CLSTN3: variants seen among roughly 807,000 people sequenced by gnomAD.
CLSTN3 encodes the protein calsyntenin 3.
CLSTN3 carries 36 observed loss-of-function variants against 95.9 expected under a neutral mutation model. The ratio of observed to expected loss-of-function variants is 0.38; its 90% CI spans 0.29 to 0.50. The LOEUF (loss-of-function observed/expected upper bound fraction) is 0.50, where lower values mean the gene tolerates loss of function less well. Ranked by LOEUF, CLSTN3 falls within the 20% of genes least tolerant of loss-of-function variation. The probability of loss-of-function intolerance (pLI) is 0.95; values close to 1 mark genes in which losing one functional copy is unlikely to be tolerated. For missense variants in CLSTN3, 1,084 were observed against 1,268.8 expected, an observed-to-expected ratio of 0.85 and a Z score of 2.21; for synonymous variants, 481 against 504.0, an observed-to-expected ratio of 0.95 and a Z score of 0.61.
rs75250527 is a variant in CLSTN3 at position 7,142,074 on chromosome 12, T to C, written c.1487-12T>C. On this transcript the variant is annotated splice_polypyrimidine_tract_variant and intron_variant, in intron 9 of 17. Coordinates refer to ENST00000266546, the MANE Select transcript of CLSTN3 (RefSeq NM_014718.4). ...CTCACCAGCACTGTTTTTTTTTTTT[T>C]TTTATCCCCAGAGGAGAAGAACAAA... 4.5e-6 allele frequency: 7 copies of C among 1,572,966 alleles called. No individual in the cohort carries two copies. The Admixed American group carries it at 9.3e-5, about 21-fold the overall frequency.
chr12:7,141,368 A>G lies in CLSTN3; in HGVS notation c.1450A>G (p.Arg484Gly). Residue 484 changes from arginine to glycine, a missense_variant, in exon 9 of 18, where the codon AGG (arginine) becomes GGG (glycine). Transcript: ENST00000266546. The surrounding 1 kb of genome is among the most constrained non-coding windows in gnomAD (Gnocchi z 4.1). Reference sequence around the variant, plus strand: ...CAATGGCCTCATCCACCCACCCCGAAGGGAGCCTGCTCTCATGATTGGGGC... The same window carrying G: ...CAATGGCCTCATCCACCCACCCCGAGGGGAGCCTGCTCTCATGATTGGGGC... ...HDNGLIHPPR[R>G]EPALMIGACW... 6.2e-7 allele frequency: 1 copy of G among 1,614,144 alleles called. No homozygotes were observed. Among genetic ancestry groups the G allele is most frequent in the Non-Finnish European group, 8.5e-7 (1 of 1,180,010 alleles).
At position 7,157,061 on chromosome 12, in the gene CLSTN3, C is replaced by A; in HGVS notation, c.2528-428C>A. 2 of 357,946 alleles carry A rather than the reference C, an allele frequency of 5.6e-6. No homozygotes were observed. Among genetic ancestry groups the A allele is most frequent in the South Asian group, 2.1e-5 (1 of 46,824 alleles). 22.2% of individuals were successfully genotyped at this position (357,946 alleles called of 1,614,324 possible). A position where few individuals can be genotyped will look rare whatever the true frequency, so the allele number is the denominator to read the frequency against. Reference sequence around the variant, plus strand: ...CTGCTCAGCCAAGCCCGTGTGGGGGCCCCTCCTCTCCCTCACTGGGCACTG... The same window carrying A: ...CTGCTCAGCCAAGCCCGTGTGGGGGACCCTCCTCTCCCTCACTGGGCACTG... On this transcript the variant is annotated intron_variant, in intron 16 of 17. Coordinates refer to ENST00000266546, the MANE Select transcript of CLSTN3 (RefSeq NM_014718.4). This position sits in a 1 kb window ranked among gnomAD's most constrained non-coding sequence, Gnocchi z 5.9.
chr12:7,150,484 GGGTCCTGCCCA>G lies in CLSTN3; in HGVS notation c.2246-50_2246-40del. 6.4e-7 allele frequency: 1 copy of G among 1,565,700 alleles called. No homozygotes were observed. ...TCAGCTGGTGGGAGTCCAGGAGAGA[GGGTCCTGCCCA>G]GGTCCTGCCTCCACTGGCCCCTGCC... On this transcript the variant is annotated intron_variant, in intron 14 of 17. Transcript: ENST00000266546. The surrounding 1 kb of genome is among the most constrained non-coding windows in gnomAD (Gnocchi z 4.0).
In CLSTN3 at chr12:7,142,946, C is replaced by G; in HGVS notation, c.1618C>G (p.Arg540Gly). ...CGTGCGCTCAGGTCGCCTGGAGAGC[C>G]GCGAGGTCATCGAGTGCCTCTATGC... ...FSVRSGRLESREVIECLYACR... is the reference protein window; with the variant it reads ...FSVRSGRLESGEVIECLYACR... The change falls in exon 11 of 18, where the codon CGC becomes GGC. Residue 540 changes from arginine to glycine, a missense_variant. Arg to Gly is a moderately radical substitution (Grantham distance 125, BLOSUM62 -2). Transcript: ENST00000266546. 1 of 1,614,184 alleles carries G rather than the reference C, an allele frequency of 6.2e-7. No homozygotes were observed. Among genetic ancestry groups the G allele is most frequent in the African/African-American group, 1.3e-5 (1 of 75,066 alleles).
At chr12:7,151,841 C>A (rs1444007944) in intron 16 of CLSTN3, among the ~76,000 whole-genome samples, 1 of 152,026 alleles carries the variant, frequency 6.6e-6, no homozygotes, top group Non-Finnish European at 1.5e-5. Context: ...TCACTTGAGT[C>A]CAGGAGTTTG....
At position 7,137,533 on chromosome 12, in the gene CLSTN3, C is replaced by T. The variant is rs1052890964; in HGVS notation, c.1211-422C>T. On this transcript the variant is annotated intron_variant, in intron 7 of 17. Coordinates refer to ENST00000266546, the MANE Select transcript of CLSTN3 (RefSeq NM_014718.4). This position sits in a 1 kb window ranked among gnomAD's most constrained non-coding sequence, Gnocchi z 4.4. Reference sequence around the variant, plus strand: ...CTTCCCTCAACTGCAGGGCCTACTTCACTGGAGAGGGCTTAGTCTTGACCT... The same window carrying T: ...CTTCCCTCAACTGCAGGGCCTACTTTACTGGAGAGGGCTTAGTCTTGACCT... Among the ~76,000 whole-genome samples the T allele has an allele frequency of 6.6e-6, 1 of 152,212 alleles. No homozygotes were observed. The highest frequency in any genetic ancestry group is 1.5e-5 in the Non-Finnish European group (1 of 68,040).
intron 12 of CLSTN3, among the ~76,000 whole-genome samples, chr12:7,144,612 C>A (rs1008784447): frequency 6.6e-6 from 1 of 152,122 alleles, no homozygotes; most frequent in East Asian, 1.9e-4. Context: ...GGAGATACTG[C>A]CATCTAGTGG....
At position 7,157,886 on chromosome 12, in the gene CLSTN3, G is replaced by A; in HGVS notation, c.2731-55G>A. 2 of 1,543,644 alleles carry A rather than the reference G, an allele frequency of 1.3e-6. No individual in the cohort carries two copies. Among genetic ancestry groups the A allele is most frequent in the Non-Finnish European group, 1.7e-6 (2 of 1,146,024 alleles). On this transcript the variant is annotated intron_variant, in intron 17 of 17. Transcript: ENST00000266546. The surrounding 1 kb of genome is among the most constrained non-coding windows in gnomAD (Gnocchi z 5.9). Reference sequence around the variant, plus strand: ...AGGGAAGTGTGGTCCCTGAAAGAGAGGCTGGGATGTGTGCAGGCCATTGAT... The same window carrying A: ...AGGGAAGTGTGGTCCCTGAAAGAGAAGCTGGGATGTGTGCAGGCCATTGAT...
rs1418938868 is a variant in CLSTN3 at position 7,134,881 on chromosome 12, C to G, written c.384-446C>G. ...TTCCTCATCCCCTACATCAGTCCTCCTTTCTTTGGGCCCTCCCTCTGGTGT... is the reference window on the plus strand; with the variant it reads ...TTCCTCATCCCCTACATCAGTCCTCGTTTCTTTGGGCCCTCCCTCTGGTGT... On this transcript the variant is annotated intron_variant, in intron 3 of 17. Coordinates refer to ENST00000266546, the MANE Select transcript of CLSTN3 (RefSeq NM_014718.4). Among the ~76,000 whole-genome samples, 3 of 152,154 alleles carry G rather than the reference C, an allele frequency of 2.0e-5. No homozygotes were observed. The East Asian group carries it at 5.8e-4, about 29-fold the overall frequency.
upstream of CLSTN3, chr12:7,129,898 C>A: frequency 1.3e-6 from 1 of 791,048 alleles, no homozygotes; most frequent in Non-Finnish European, 1.5e-6. The surrounding 1 kb of genome is among the most constrained non-coding windows in gnomAD (Gnocchi z 5.5). Context: ...GCCCTGCGGA[C>A]CGCCCTGTGG....
At position 7,138,035 on chromosome 12, in the gene CLSTN3, C is replaced by T. The variant is rs376591370; in HGVS notation, c.1291C>T (p.Arg431Cys). The change falls in exon 8 of 18, where the codon CGC becomes TGC. Residue 431 changes from arginine to cysteine, a missense_variant. Arg to Cys is a radical substitution (Grantham distance 180). Transcript: ENST00000266546. The stretch of plus-strand genomic sequence containing the variant: ...CTACTGGCCCCTGCTTGAGAGTGCC[C>T]GCCCAGTCAAGTTCCTCTGGAAGCT... ...FLYWPLLESARPVKFLWKLEQ... is the reference protein window; with the variant it reads ...FLYWPLLESACPVKFLWKLEQ... 27 of 1,613,752 alleles carry T rather than the reference C, an allele frequency of 1.7e-5. No individual in the cohort carries two copies. The highest frequency in any genetic ancestry group is 2.2e-5 in the Non-Finnish European group (26 of 1,179,874).
intron 6 of CLSTN3, 117 bp from the exon 7 acceptor site, chr12:7,136,712 T>C (rs1040562640): frequency 8.7e-7 from 1 of 1,145,166 alleles, no homozygotes; most frequent in African/African-American, 1.5e-5. Flanking sequence ...CCATAAAAGG[T>C]GGCAAGACGT....
chr12:7,133,253 G>A lies in CLSTN3; in HGVS notation c.187+107G>A. 2.1e-6 allele frequency: 3 copies of A among 1,449,778 alleles called. No homozygotes were observed. The highest frequency in any genetic ancestry group is 2.8e-6 in the Non-Finnish European group (3 of 1,062,636). The allele number at this position is 1,449,778 out of a possible 1,614,324, so 89.8% of individuals were successfully genotyped here. On this transcript the variant is annotated intron_variant, in intron 2 of 17. Coordinates refer to ENST00000266546, the MANE Select transcript of CLSTN3 (RefSeq NM_014718.4). This position sits in a 1 kb window ranked among gnomAD's most constrained non-coding sequence, Gnocchi z 4.7. ...GGTCCTGGGAGTGATGAGAAAGTAAGGGAAGATAAAAGTGGGCTCAAGGAG... is the reference window on the plus strand; with the variant it reads ...GGTCCTGGGAGTGATGAGAAAGTAAAGGAAGATAAAAGTGGGCTCAAGGAG...
At chr12:7,138,089 T>C (rs745417202) in intron 8 of CLSTN3, 22 bp downstream of exon 8, 1 of 1,576,902 alleles carries the variant, frequency 6.3e-7, no homozygotes, top group Non-Finnish European at 8.7e-7. Flanking sequence ...GCCAGGCTCC[T>C]GGGAGGGCTG....
Position 7,149,505 on chromosome 12 carries a change from C to T in CLSTN3, c.2075-18C>T. On this transcript the variant is annotated intron_variant, in intron 13 of 17. Transcript: ENST00000266546. The surrounding 1 kb of genome is among the most constrained non-coding windows in gnomAD (Gnocchi z 4.5). ...GGGCCCTTTGGCTCTGACCCAGACCCTACTATCCCCAACCCAGTGACAGAC... is the reference window on the plus strand; with the variant it reads ...GGGCCCTTTGGCTCTGACCCAGACCTTACTATCCCCAACCCAGTGACAGAC... 1 of 1,600,824 alleles carries T rather than the reference C, an allele frequency of 6.2e-7. No homozygotes were observed. Among genetic ancestry groups the T allele is most frequent in the Non-Finnish European group, 8.5e-7 (1 of 1,172,342 alleles).
chr12:7,140,068 G>A (rs1018388696), intron 8 of CLSTN3, among the ~76,000 whole-genome samples: 5 of 152,218 alleles, frequency 3.3e-5, no homozygotes, highest in African/African-American at 1.2e-4. Flanking sequence ...CATGACTGAT[G>A]TGTGGCAATG....
intron 1 of CLSTN3, among the ~76,000 whole-genome samples, chr12:7,131,544 AAG>A: frequency 6.6e-6 from 1 of 152,218 alleles, no homozygotes; most frequent in East Asian, 1.9e-4. Context: ...AAATCAGGAA[AAG>A]AGTGAGTCAA....
chr12:7,149,537 A>G lies in CLSTN3; in HGVS notation c.2089A>G (p.Met697Val). Reference protein sequence around the residue: ...SWQGTVTDTRMSDEIVHNLDG... With the variant: ...SWQGTVTDTRVSDEIVHNLDG... ...CCCCAACCCAGTGACAGACACACGC[A>G]TGTCGGATGAGATTGTGCACAACCT... is the stretch of plus-strand genomic sequence containing the variant. Residue 697 changes from methionine to valine, a missense_variant, in exon 14 of 18, where the codon ATG becomes GTG. Coordinates refer to ENST00000266546, the MANE Select transcript of CLSTN3 (RefSeq NM_014718.4). This position sits in a 1 kb window ranked among gnomAD's most constrained non-coding sequence, Gnocchi z 4.5. 1 of 1,613,334 alleles carries G rather than the reference A, an allele frequency of 6.2e-7. No homozygotes were observed. The highest frequency in any genetic ancestry group is 8.5e-7 in the Non-Finnish European group (1 of 1,179,550).
At chr12:7,135,691 C>T in intron 4 of CLSTN3, 113 bp from the exon 5 acceptor site, 1 of 1,424,950 alleles carries the variant, frequency 7.0e-7, no homozygotes, top group Admixed American at 2.0e-5. Flanking sequence ...GCCTTTTTTC[C>T]CAGCGTCCTG....
Sources: allele counts gnomAD v4.1 joint callset (sites outside exome capture counted in the v4.1 genomes callset), GRCh38; gene constraint gnomAD v4.1.1; non-coding constraint Gnocchi (gnomAD v3.1); transcripts MANE v1.5; gene names NCBI Gene and HGNC (gene_info 2026-07-23, HGNC 2026-07-21).